PLA2G4A: variants seen among roughly 807,000 people sequenced by gnomAD.
PLA2G4A encodes cytosolic phospholipase A2.
A neutral mutation model predicts 81.9 loss-of-function variants in PLA2G4A; 40 were observed. The observed-to-expected ratio is 0.49, with a 90% confidence interval of 0.38 to 0.64. The LOEUF (loss-of-function observed/expected upper bound fraction) is 0.64. PLA2G4A is among the 30% of genes least tolerant of loss of function. The probability of loss-of-function intolerance (pLI) is 0.00; values close to 1 mark genes in which losing one functional copy is unlikely to be tolerated. For missense variants in PLA2G4A, 715 were observed against 905.1 expected (o/e 0.79, Z 2.69); for synonymous variants, 302 against 296.9 (o/e 1.02, Z -0.18).
At position 186,937,253 on chromosome 1, in the gene PLA2G4A, A is replaced by AGAGAGAGAG. The variant is rs67366503; in HGVS notation, c.696-1755_696-1754insGAGAGAGAG. Among the ~76,000 whole-genome samples, 60 of 149,348 alleles carry AGAGAGAGAG rather than the reference A, an allele frequency of 4.0e-4. 1 individual carries two copies. The highest frequency in any genetic ancestry group is 6.6e-4 in the Non-Finnish European group (44 of 67,028). On this transcript the variant is annotated intron_variant, in intron 8 of 17. Transcript: ENST00000367466. ...AGCCAACTGCTTCATGAGACGGGAA[A>AGAGAGAGAG]AGAGAGAGAGAGAGAGAGAGAGAGA...
At chr1:186,846,080 T>G (rs1652163367) in intron 1 of PLA2G4A, among the ~76,000 whole-genome samples, 1 of 152,224 alleles carries the variant, frequency 6.6e-6, no homozygotes. Flanking sequence ...AGAGTGGTTG[T>G]GCCAACTAGT....
chr1:186,954,712 TAC>T lies in PLA2G4A; in HGVS notation c.1337-1382_1337-1381del, dbSNP rs1393482513. ...ACACACACACACAATCACGCACACA[TAC>T]ACACACAGTTTTATAAATGTGTGAC... On this transcript the variant is annotated intron_variant, in intron 13 of 17. Transcript: ENST00000367466. 7.2e-5 allele frequency among the ~76,000 whole-genome samples: 11 copies of T among 152,014 alleles called. No individual in the cohort carries two copies. The South Asian group carries it at 1.9e-3, about 26-fold the overall frequency.
intron 7 of PLA2G4A, among the ~76,000 whole-genome samples, chr1:186,926,717 T>C (rs912626813): frequency 4.6e-5 from 7 of 152,218 alleles, no homozygotes; most frequent in African/African-American, 1.7e-4. Context: ...TTGGGTAGTA[T>C]ATATTTGGGA....
intron 17 of PLA2G4A, among the ~76,000 whole-genome samples, chr1:186,980,298 T>C (rs1016335126): frequency 1.3e-5 from 2 of 152,304 alleles, no homozygotes; most frequent in East Asian, 3.9e-4. Context: ...AAACAAATCA[T>C]TGTCTTCAGT....
In PLA2G4A at chr1:186,859,965, T is replaced by A. The variant is rs116599466; in HGVS notation, c.33+5578T>A. Among the ~76,000 whole-genome samples, 1,030 of 152,264 alleles carry A rather than the reference T, an allele frequency of 6.8e-3. 3 individuals carry two copies. The highest frequency in any genetic ancestry group is 0.012 in the Non-Finnish European group (792 of 68,010). ...TTTAGAAAAGTTAGATGATGAGATG[T>A]CGCTACTAGAAAATCATAAATATGA... On this transcript the variant is annotated intron_variant, in intron 2 of 17. Transcript: ENST00000367466.
chr1:186,979,274 G>C, intron 16 of PLA2G4A, 41 bp from the exon 17 acceptor site: 1 of 1,494,928 alleles, frequency 6.7e-7, no homozygotes, highest in Non-Finnish European at 9.3e-7. Context: ...ATATTTTGTA[G>C]TTTTCAAAAT....
At chr1:186,920,035 A>G (rs1377493553) in intron 7 of PLA2G4A, among the ~76,000 whole-genome samples, 1 of 152,174 alleles carries the variant, frequency 6.6e-6, no homozygotes, top group Non-Finnish European at 1.5e-5. Flanking sequence ...AACGTCTATG[A>G]GCACGGGGGC....
At chr1:186,939,660 C>T (rs1288221014) in intron 9 of PLA2G4A, among the ~76,000 whole-genome samples, 3 of 152,110 alleles carry the variant, frequency 2.0e-5, no homozygotes, top group Admixed American at 6.6e-5. Context: ...ATTGATGTTT[C>T]GTTGAAGATA....
At chr1:186,856,258 T>A (rs1217476346) in intron 2 of PLA2G4A, among the ~76,000 whole-genome samples, 1 of 150,330 alleles carries the variant, frequency 6.7e-6, no homozygotes, top group African/African-American at 2.5e-5. Context: ...ACTATCTCAG[T>A]AATGTATTAT....
chr1:186,896,731 C>T (rs899846582), intron 5 of PLA2G4A, among the ~76,000 whole-genome samples: 1 of 152,166 alleles, frequency 6.6e-6, no homozygotes, highest in Middle Eastern at 3.2e-3. Flanking sequence ...GATTATGTAA[C>T]TATTTTTTTT....
Position 186,913,685 on chromosome 1 carries a change from C to A in PLA2G4A, c.558+2296C>A, listed in dbSNP as rs370385091. On this transcript the variant is annotated intron_variant, in intron 7 of 17. Coordinates refer to ENST00000367466, the MANE Select transcript of PLA2G4A (RefSeq NM_024420.3). The stretch of plus-strand genomic sequence containing the variant: ...ACATATATGTGCATAGTCTTGTACA[C>A]TCTTGAATTATTTCTCGTAGGAATT... Among the ~76,000 whole-genome samples, 28 of 152,236 alleles carry A rather than the reference C, an allele frequency of 1.8e-4. 1 individual carries two copies. In the East Asian group the frequency reaches 3.7e-3, roughly 20 times the overall value.
intron 3 of PLA2G4A, among the ~76,000 whole-genome samples, chr1:186,878,091 T>C (rs930035658): frequency 8.8e-5 from 13 of 147,302 alleles, no homozygotes; most frequent in African/African-American, 2.7e-4. Flanking sequence ...TACTAAAATA[T>C]ATCTTTTCTG....
Position 186,956,159 on chromosome 1 carries a change from T to C in PLA2G4A, c.1394T>C (p.Ile465Thr). The C allele has an allele frequency of 1.2e-6, 2 of 1,613,450 alleles. No homozygotes were observed. The highest frequency in any genetic ancestry group is 1.7e-6 in the Non-Finnish European group (2 of 1,179,386). Residue 465 changes from isoleucine (I) to threonine (T), a missense_variant, in exon 14 of 18, where the codon ATT (isoleucine) becomes ACT (threonine). Ile to Thr is a moderately conservative substitution (Grantham distance 89). Transcript: ENST00000367466. Reference sequence around the variant, plus strand: ...CAAAGTGATAATCAAGCAAGTTGGATTCATCGTATGATAATGGCCTTGGTG... The same window carrying C: ...CAAAGTGATAATCAAGCAAGTTGGACTCATCGTATGATAATGGCCTTGGTG... ...DYQSDNQASW[I>T]HRMIMALVSD...
intron 5 of PLA2G4A, among the ~76,000 whole-genome samples, chr1:186,905,596 A>G (rs976277967): frequency 1.3e-5 from 2 of 152,168 alleles, no homozygotes; most frequent in African/African-American, 2.4e-5. Flanking sequence ...AGAATTCTAT[A>G]TATAGGAACT....
intron 13 of PLA2G4A, among the ~76,000 whole-genome samples, chr1:186,951,954 G>T (rs1013226143): frequency 2.0e-5 from 3 of 152,086 alleles, no homozygotes; most frequent in Non-Finnish European, 4.4e-5. Context: ...ATGACCAGCA[G>T]CCCTGATCAT....
At chr1:186,877,133 T>C (rs557810977) in intron 3 of PLA2G4A, among the ~76,000 whole-genome samples, 2 of 152,154 alleles carry the variant, frequency 1.3e-5, no homozygotes, top group East Asian at 3.9e-4. Context: ...AATGATCTGT[T>C]TGGTAGCTAT....
At chr1:186,834,613 C>T (rs527749209) in intron 1 of PLA2G4A, among the ~76,000 whole-genome samples, 18 of 151,854 alleles carry the variant, frequency 1.2e-4, no homozygotes, top group South Asian at 6.3e-4. Flanking sequence ...TACTGATTGA[C>T]GTAATAGGGG....
intron 7 of PLA2G4A, among the ~76,000 whole-genome samples, chr1:186,912,151 C>T (rs1375128652): frequency 6.6e-6 from 1 of 152,150 alleles, no homozygotes; most frequent in Non-Finnish European, 1.5e-5. Flanking sequence ...TTGGAAAACA[C>T]CCTCATTAGC....
At chr1:186,863,203 G>A (rs958872588) in intron 2 of PLA2G4A, among the ~76,000 whole-genome samples, 7 of 152,292 alleles carry the variant, frequency 4.6e-5, no homozygotes, top group African/African-American at 1.7e-4. Context: ...TCAGGTAGCT[G>A]TAACTACAGG....
Sources: gnomAD v4.1 joint callset for allele counts (sites outside exome capture counted in the v4.1 genomes callset) on GRCh38, gnomAD v4.1.1 for gene constraint, MANE v1.5 for transcripts, NCBI Gene and HGNC (gene_info 2026-07-23, HGNC 2026-07-21) for gene names.